Variants in TROAP observed in about 807,000 individuals in gnomAD.
The protein encoded by TROAP is tastin.
TROAP carries 62 observed loss-of-function variants against 83.4 expected under a neutral mutation model. The ratio of observed to expected loss-of-function variants is 0.74; its 90% CI spans 0.61 to 0.92. TROAP has a LOEUF of 0.92. TROAP is among the 40% of genes least tolerant of loss of function. The pLI is 0.00. For synonymous variants in TROAP, 352 were observed against 386.4 expected, an observed-to-expected ratio of 0.91 and a Z score of 1.04; for missense variants, 876 against 985.1, an observed-to-expected ratio of 0.89 and a Z score of 1.48.
chr12:49,326,806 G>A, intron 7 of TROAP, 86 bp downstream of exon 7: 2 of 1,456,386 alleles, frequency 1.4e-6, no homozygotes, highest in Non-Finnish European at 9.3e-7. Flanking sequence ...CAGCAGGCTG[G>A]GAGGGAGCAT....
At chr12:49,331,133 TTGG>T (rs1943575776) in intron 13 of TROAP, 78 bp from the exon 14 acceptor site, 4 of 1,589,412 alleles carry the variant, frequency 2.5e-6, no homozygotes, top group Non-Finnish European at 3.4e-6. Context: ...GGCTTGGCCG[TTGG>T]TGGGGGAGGA....
chr12:49,326,614 C>T (rs1304079844), intron 6 of TROAP, 54 bp from the exon 7 acceptor site: 1 of 1,524,244 alleles, frequency 6.6e-7, no homozygotes, highest in Non-Finnish European at 8.9e-7. Context: ...TAGCACATGT[C>T]CAGCTCATAC....
chr12:49,331,050 T>G, intron 13 of TROAP, 107 bp downstream of exon 13: 9 of 1,548,662 alleles, frequency 5.8e-6, no homozygotes, highest in Non-Finnish European at 7.9e-6. Flanking sequence ...TTCCACACCT[T>G]CCACCCTGGC....
At position 49,327,339 on chromosome 12, in the gene TROAP, C is replaced by A. The variant is rs73309977; in HGVS notation, c.891+9C>A. 5 of 1,612,522 alleles carry A rather than the reference C, an allele frequency of 3.1e-6. No homozygotes were observed. The highest frequency in any genetic ancestry group is 2.2e-5 in the East Asian group (1 of 44,820). On this transcript the variant is annotated intron_variant, in intron 8 of 14. Coordinates refer to ENST00000257909, the MANE Select transcript of TROAP (RefSeq NM_005480.4). ...AAATGTCACATACCAGGGTGAGATG[C>A]GACTCTCCTGGGATGGTGGGTGGGA... is the stretch of plus-strand genomic sequence containing the variant.
chr12:49,329,321 G>C lies in TROAP; in HGVS notation c.1105-74G>C. On this transcript the variant is annotated intron_variant, in intron 10 of 14. Coordinates refer to ENST00000257909, the MANE Select transcript of TROAP (RefSeq NM_005480.4). This position sits in a 1 kb window ranked among gnomAD's most constrained non-coding sequence, Gnocchi z 4.5. ...AGGAGATGGATGGGTACAGGAGAGA[G>C]AAGACAGAAGCAAGGGGAGGCTGAG... 6.2e-7 allele frequency: 1 copy of C among 1,613,162 alleles called. No individual in the cohort carries two copies. Among genetic ancestry groups the C allele is most frequent in the South Asian group, 1.1e-5 (1 of 91,062 alleles).
At position 49,323,597 on chromosome 12, in the gene TROAP, A is replaced by G. The variant is rs200464830; in HGVS notation, c.-5-7A>G. 1.9e-6 allele frequency: 3 copies of G among 1,613,326 alleles called. No homozygotes were observed. The highest frequency in any genetic ancestry group is 1.7e-6 in the Non-Finnish European group (2 of 1,179,590). On this transcript the variant is annotated splice_region_variant and splice_polypyrimidine_tract_variant and intron_variant, in intron 1 of 14. Coordinates refer to ENST00000257909, the MANE Select transcript of TROAP (RefSeq NM_005480.4). ...TCTGCCTGCCTTCTTCCCCGTCTCA[A>G]TTGTAGCCATCATGACCACCCGGCA...
chr12:49,331,415 T>C lies in TROAP; in HGVS notation c.2292+8T>C. 1 of 1,611,530 alleles carries C rather than the reference T, an allele frequency of 6.2e-7. No homozygotes were observed. Among genetic ancestry groups the C allele is most frequent in the Non-Finnish European group, 8.5e-7 (1 of 1,178,204 alleles). ...GAATGGCAGGATGCCCTGGTGAGAC[T>C]CCAACCCACAGCCCAGCTGTGGCTG... On this transcript the variant is annotated splice_region_variant and intron_variant, in intron 14 of 14. Coordinates refer to ENST00000257909, the MANE Select transcript of TROAP (RefSeq NM_005480.4).
intron 1 of TROAP, 89 bp downstream of exon 1, chr12:49,323,438 C>T (rs1490379571): frequency 8.1e-6 from 7 of 859,370 alleles, no homozygotes; most frequent in Non-Finnish European, 1.1e-5. Flanking sequence ...AGAGTAGGCT[C>T]GGGGTGTCTG....
rs1035196443 is a variant in TROAP at position 49,330,352 on chromosome 12, C to T, written c.1507C>T (p.Pro503Ser). The change falls in exon 13 of 15, where the codon CCC becomes TCC. Residue 503 changes from proline (P) to serine (S), a missense_variant. Physicochemically the swap from Pro to Ser is moderately conservative, Grantham distance 74 (BLOSUM62 -1). This residue lies in a region of TROAP where 689 missense variants were observed against 722.6 expected (regional missense o/e 0.95). Transcript: ENST00000257909. Reference protein sequence around the residue: ...GLLKHSGLPKPCLPEECGEPQ... With the variant: ...GLLKHSGLPKSCLPEECGEPQ... ...GTTAAAACACTCAGGGCTGCCAAAGCCCTGTCTTCCAGAGGAGTGCGGGGA... is the reference window on the plus strand; with the variant it reads ...GTTAAAACACTCAGGGCTGCCAAAGTCCTGTCTTCCAGAGGAGTGCGGGGA... 1 of 1,614,040 alleles carries T rather than the reference C, an allele frequency of 6.2e-7. No individual in the cohort carries two copies. Among genetic ancestry groups the T allele is most frequent in the Non-Finnish European group, 8.5e-7 (1 of 1,180,000 alleles).
rs372309111 is a variant in TROAP, at chr12:49,329,283, A to G, written c.1104+39A>G. On this transcript the variant is annotated intron_variant, in intron 10 of 14. Transcript: ENST00000257909. This position sits in a 1 kb window ranked among gnomAD's most constrained non-coding sequence, Gnocchi z 4.5. The stretch of plus-strand genomic sequence containing the variant: ...TGGAGAGGTGGCTGGCATAAGTCAC[A>G]GCTAGGGGAGAAAGGAGATGGATGG... 176 of 1,613,320 alleles carry G rather than the reference A, an allele frequency of 1.1e-4. No individual in the cohort carries two copies. The highest frequency in any genetic ancestry group is 1.4e-4 in the Non-Finnish European group (167 of 1,179,348).
rs1489183232 is a variant in TROAP at position 49,323,887 on chromosome 12, G to A, written c.187G>A (p.Val63Ile). 6.2e-7 allele frequency: 1 copy of A among 1,614,016 alleles called. No individual in the cohort carries two copies. Among genetic ancestry groups the A allele is most frequent in the Admixed American group, 1.7e-5 (1 of 60,016 alleles). The change falls in exon 3 of 15, where the codon GTT (valine) becomes ATT (isoleucine). Residue 63 changes from valine (V) to isoleucine (I), a missense_variant. Around this residue, in one of 3 missense-constraint regions of TROAP, gnomAD observed 689 missense variants for 722.6 expected, o/e 0.95. Coordinates refer to ENST00000257909, the MANE Select transcript of TROAP (RefSeq NM_005480.4). Reference protein sequence around the residue: ...KPPLNIQRPLVDSAGPRPKAR... With the variant: ...KPPLNIQRPLIDSAGPRPKAR... ...ACCGCTCAATATTCAACGCCCCCTC[G>A]TTGATTCAGCAGGCCCCAGGCCGAA...
chr12:49,325,843 C>G lies in TROAP; in HGVS notation c.592C>G (p.Pro198Ala). The G allele has an allele frequency of 1.2e-6, 2 of 1,614,052 alleles. No homozygotes were observed. Among genetic ancestry groups the G allele is most frequent in the Non-Finnish European group, 1.7e-6 (2 of 1,180,030 alleles). ...SCFSRLEGPG[P>A]RGRTLCPQRL... ...CTTCTCTAGGCTGGAGGGACCAGGA[C>G]CTCGAGGCCGGACATTGTGCCCCCA... The change falls in exon 5 of 15, where the codon CCT (proline) becomes GCT (alanine). Residue 198 changes from proline (P) to alanine (A), a missense_variant. Around this residue, in one of 3 missense-constraint regions of TROAP, gnomAD observed 689 missense variants for 722.6 expected, o/e 0.95. Transcript: ENST00000257909.
chr12:49,323,432 T>C (rs1036249928), intron 1 of TROAP, 83 bp downstream of exon 1: 2 of 813,736 alleles, frequency 2.5e-6, no homozygotes, highest in Non-Finnish European at 3.8e-6. Flanking sequence ...GGCGAAAGAG[T>C]AGGCTCGGGG....
At chr12:49,324,762 A>T in intron 3 of TROAP, among the ~76,000 whole-genome samples, 1 of 137,760 alleles carries the variant, frequency 7.3e-6, no homozygotes, top group Non-Finnish European at 1.5e-5. Flanking sequence ...ACAGAGTCTT[A>T]CTCTATCCCT....
chr12:49,330,839 G>A lies in TROAP; in HGVS notation c.1994G>A (p.Trp665Ter), dbSNP rs747317471. The part of the protein sequence containing the change: ...ESSLPPCCSQ[W>*]APATTSLIFS... ...AGTCTACCACCCTGCTGCAGTCAGT[G>A]GGCTCCAGCAACCACCAGCCTGATC... is the stretch of plus-strand genomic sequence containing the variant. Residue 665 changes from tryptophan to a stop codon, truncating the protein, a stop_gained, in exon 13 of 15, where the codon TGG becomes TAG. Coordinates refer to ENST00000257909, the MANE Select transcript of TROAP (RefSeq NM_005480.4). LOFTEE classifies it high-confidence loss of function. 6.2e-7 allele frequency: 1 copy of A among 1,613,378 alleles called. No homozygotes were observed. Among genetic ancestry groups the A allele is most frequent in the East Asian group, 2.2e-5 (1 of 44,866 alleles).
Position 49,330,808 on chromosome 12 carries a change from G to A in TROAP, c.1963G>A (p.Glu655Lys). 1 of 1,613,914 alleles carries A rather than the reference G, an allele frequency of 6.2e-7. No homozygotes were observed. The highest frequency in any genetic ancestry group is 8.5e-7 in the Non-Finnish European group (1 of 1,180,008). ...CTGCACCCTGGAACATAGAAGTCTAGAGTCCAGTCTACCACCCTGCTGCAG... is the reference window on the plus strand; with the variant it reads ...CTGCACCCTGGAACATAGAAGTCTAAAGTCCAGTCTACCACCCTGCTGCAG... ...EPCTLEHRSL[E>K]SSLPPCCSQW... is the part of the protein sequence containing the mutation. Residue 655 changes from glutamate (E) to lysine (K), a missense_variant, in exon 13 of 15, where the codon GAG becomes AAG. This residue lies in a region of TROAP where 184 missense variants were observed against 238.3 expected (regional missense o/e 0.77). Transcript: ENST00000257909.
At chr12:49,328,821 G>T in intron 8 of TROAP, 106 bp from the exon 9 acceptor site, 1 of 1,432,728 alleles carries the variant, frequency 7.0e-7, no homozygotes, top group Non-Finnish European at 9.2e-7. Context: ...CCAAGATCGC[G>T]CCACTGGACT....
At chr12:49,324,943 A>G (rs7309133) in intron 3 of TROAP, among the ~76,000 whole-genome samples, 15,184 of 123,206 alleles carry the variant, frequency 0.12, 1,917 homozygotes, top group African/African-American at 0.35. Context: ...ACAGAGTCTC[A>G]CTCTGTCACT....
chr12:49,323,447 T>G, intron 1 of TROAP, 98 bp downstream of exon 1: 2 of 947,230 alleles, frequency 2.1e-6, no homozygotes, highest in Non-Finnish European at 3.1e-6. Flanking sequence ...TCGGGGTGTC[T>G]GGAGATAGCA....
Sources: allele counts gnomAD v4.1 joint callset (sites outside exome capture counted in the v4.1 genomes callset), GRCh38; gene constraint gnomAD v4.1.1; regional missense constraint gnomAD v4.1.1; non-coding constraint Gnocchi (gnomAD v3.1); transcripts MANE v1.5; gene names NCBI Gene and HGNC (gene_info 2026-07-23, HGNC 2026-07-21).